The following PLEKHA2 variants were observed in gnomAD, a reference collection of about 807,000 sequenced individuals.
PLEKHA2 encodes pleckstrin homology domain-containing family A member 2.
PLEKHA2 carries 28 observed loss-of-function variants against 53.2 expected under a neutral mutation model. The observed-to-expected ratio is 0.53, with a 90% confidence interval of 0.39 to 0.72. The LOEUF is 0.72. Ranked by LOEUF, PLEKHA2 falls within the 30% of genes least tolerant of loss-of-function variation. PLEKHA2 has a pLI of 0.00. For missense variants in PLEKHA2, 426 were observed against 537.9 expected (o/e 0.79, Z 2.06); for synonymous variants, 193 against 196.4 (o/e 0.98, Z 0.14).
intron 10 of PLEKHA2, among the ~76,000 whole-genome samples, chr8:38,960,406 GAGTTT>G: frequency 6.6e-6 from 1 of 152,130 alleles, no homozygotes. Flanking sequence ...TTGAGCCCTG[GAGTTT>G]GAAGTTGCAG....
intron 3 of PLEKHA2, among the ~76,000 whole-genome samples, chr8:38,938,973 G>A (rs1170266409): frequency 1.3e-5 from 2 of 149,606 alleles, no homozygotes; most frequent in Non-Finnish European, 3.0e-5. Context: ...GTGCAATCTC[G>A]CCTCACTTCA....
chr8:38,952,191 G>A lies in PLEKHA2; in HGVS notation c.512G>A (p.Ser171Asn), dbSNP rs144902820. ...SQNGGDGQEGSEPGSHTILRR... is the reference protein window; with the variant it reads ...SQNGGDGQEGNEPGSHTILRR... The stretch of plus-strand genomic sequence containing the variant: ...AACGGTGGGGATGGGCAGGAAGGGA[G>A]TGAGCCCGGGTCCCACACCATCCTT... Residue 171 changes from serine (S) to asparagine (N), a missense_variant, in exon 7 of 12, where the codon AGT becomes AAT. By Grantham distance (46) the Ser-to-Asn change is conservative. Coordinates refer to ENST00000617275, the MANE Select transcript of PLEKHA2 (RefSeq NM_021623.2). 225 of 1,613,284 alleles carry A rather than the reference G, an allele frequency of 1.4e-4. No individual in the cohort carries two copies. The African/African-American group carries it at 2.7e-3, about 19-fold the overall frequency.
At chr8:38,907,105 C>T (rs1453328946) in intron 1 of PLEKHA2, among the ~76,000 whole-genome samples, 4 of 152,184 alleles carry the variant, frequency 2.6e-5, no homozygotes, top group South Asian at 2.1e-4. Flanking sequence ...AGAAGATGTA[C>T]GTACCACACG....
chr8:38,919,533 G>A lies in PLEKHA2; in HGVS notation c.141+1463G>A, dbSNP rs1003109996. Among the ~76,000 whole-genome samples, 7 of 152,300 alleles carry A rather than the reference G, an allele frequency of 4.6e-5. No homozygotes were observed. The South Asian group carries it at 1.0e-3, about 23-fold the overall frequency. On this transcript the variant is annotated intron_variant, in intron 2 of 11. Coordinates refer to ENST00000617275, the MANE Select transcript of PLEKHA2 (RefSeq NM_021623.2). Reference sequence around the variant, plus strand: ...GGATCTGGGATTTGGCTCTAGTTCCGAGGCTTGGGAAGAGGAAATTCTGAA... The same window carrying A: ...GGATCTGGGATTTGGCTCTAGTTCCAAGGCTTGGGAAGAGGAAATTCTGAA...
At chr8:38,961,654 CCTT>C (rs1264387962) in intron 10 of PLEKHA2, among the ~76,000 whole-genome samples, 1 of 152,232 alleles carries the variant, frequency 6.6e-6, no homozygotes, top group Non-Finnish European at 1.5e-5. Flanking sequence ...GCCAAAGTGT[CCTT>C]CTGACCTGCT....
chr8:38,941,848 T>G (rs1834618336), intron 3 of PLEKHA2, among the ~76,000 whole-genome samples: 1 of 152,242 alleles, frequency 6.6e-6, no homozygotes, highest in Admixed American at 6.5e-5. Flanking sequence ...ACACCTGTCA[T>G]TTGAGACTCT....
intron 5 of PLEKHA2, among the ~76,000 whole-genome samples, chr8:38,949,890 G>A (rs188561910): frequency 1.1e-4 from 17 of 152,288 alleles, no homozygotes; most frequent in African/African-American, 3.9e-4. Flanking sequence ...CAGGTGGTTC[G>A]TGAGAGGTGA....
intron 1 of PLEKHA2, among the ~76,000 whole-genome samples, chr8:38,916,441 C>G (rs1413671779): frequency 2.0e-5 from 3 of 152,058 alleles, no homozygotes; most frequent in Non-Finnish European, 4.4e-5. Context: ...CCTCTGGTAA[C>G]CACCCTTCTA....
chr8:38,912,208 G>A (rs1295985633), intron 1 of PLEKHA2, among the ~76,000 whole-genome samples: 1 of 152,096 alleles, frequency 6.6e-6, no homozygotes, highest in African/African-American at 2.4e-5. Flanking sequence ...GCTGAGGCAG[G>A]AGAATGAATC....
chr8:38,909,068 G>C, intron 1 of PLEKHA2, among the ~76,000 whole-genome samples: 1 of 152,126 alleles, frequency 6.6e-6, no homozygotes, highest in Middle Eastern at 3.4e-3. Context: ...GCTTGAACCT[G>C]GGAGGCGGAG....
chr8:38,946,665 C>T (rs944272898), intron 5 of PLEKHA2, among the ~76,000 whole-genome samples: 3 of 152,186 alleles, frequency 2.0e-5, no homozygotes, highest in African/African-American at 7.2e-5. Context: ...CCATCCGCCT[C>T]CCTGTCCTAG....
chr8:38,907,026 G>C (rs1833887206), intron 1 of PLEKHA2, among the ~76,000 whole-genome samples: 2 of 152,054 alleles, frequency 1.3e-5, no homozygotes, highest in South Asian at 4.1e-4. Context: ...AGCCATTTCT[G>C]GTTGGTAGAA....
chr8:38,928,544 C>T (rs962014794), intron 2 of PLEKHA2, among the ~76,000 whole-genome samples: 3 of 151,874 alleles, frequency 2.0e-5, no homozygotes, highest in African/African-American at 4.8e-5. Flanking sequence ...TCACCGCGCC[C>T]GGCCCGACCT....
At chr8:38,916,259 G>A (rs567868557) in intron 1 of PLEKHA2, among the ~76,000 whole-genome samples, 3 of 152,324 alleles carry the variant, frequency 2.0e-5, no homozygotes, top group Admixed American at 1.3e-4. Flanking sequence ...TTACTGGCAT[G>A]AGCCACCATG....
At chr8:38,918,213 C>A in intron 2 of PLEKHA2, 143 bp downstream of exon 2, 1 of 1,078,976 alleles carries the variant, frequency 9.3e-7, no homozygotes. Flanking sequence ...CTACAACACA[C>A]ACAGACACAC....
Position 38,940,654 on chromosome 8 carries a change from G to C in PLEKHA2, c.199-3135G>C, listed in dbSNP as rs985798986. ...CCGTGGTCCAGATTGAAGGGGCGGGGGGGGGGGGTCAGAAACCCAGGAAGC... is the reference window on the plus strand; with the variant it reads ...CCGTGGTCCAGATTGAAGGGGCGGGCGGGGGGGGTCAGAAACCCAGGAAGC... On this transcript the variant is annotated intron_variant, in intron 3 of 11. Transcript: ENST00000617275. 3.5e-4 allele frequency among the ~76,000 whole-genome samples: 38 copies of C among 108,650 alleles called. 2 individuals are homozygous for C. In the South Asian group the frequency reaches 5.7e-3, roughly 16 times the overall value. 71.3% of individuals were successfully genotyped at this position (108,650 alleles called of 152,430 possible).
At chr8:38,955,625 C>T (rs1344529450) in intron 9 of PLEKHA2, among the ~76,000 whole-genome samples, 2 of 152,198 alleles carry the variant, frequency 1.3e-5, no homozygotes, top group African/African-American at 4.8e-5. Context: ...GGCCCCTATC[C>T]TGTTGTTCTT....
chr8:38,939,441 A>G (rs1194924480), intron 3 of PLEKHA2, among the ~76,000 whole-genome samples: 1 of 152,246 alleles, frequency 6.6e-6, no homozygotes, highest in Non-Finnish European at 1.5e-5. Context: ...ATGGTAAGCC[A>G]TTAGGCATGA....
At chr8:38,930,796 C>G (rs1350366540) in intron 2 of PLEKHA2, among the ~76,000 whole-genome samples, 1 of 152,156 alleles carries the variant, frequency 6.6e-6, no homozygotes, top group Non-Finnish European at 1.5e-5. Context: ...CTGGCGTAGC[C>G]TTTTCTCTCA....
Sources: allele counts gnomAD v4.1 joint callset (sites outside exome capture counted in the v4.1 genomes callset), GRCh38; gene constraint gnomAD v4.1.1; transcripts MANE v1.5; gene names NCBI Gene and HGNC (gene_info 2026-07-23, HGNC 2026-07-21).